The following TNRC6B variants were observed in gnomAD, a reference collection of about 807,000 sequenced individuals.
The protein encoded by TNRC6B is trinucleotide repeat-containing gene 6B protein.
TNRC6B carries 52 observed loss-of-function variants against 203.6 expected under a neutral mutation model. The observed-to-expected ratio is 0.26, with a 90% CI of 0.20 to 0.32. The LOEUF (loss-of-function observed/expected upper bound fraction) is 0.32. TNRC6B is among the 10% of genes least tolerant of loss of function. The pLI, the probability that TNRC6B is intolerant of heterozygous loss-of-function variation, is 1.00. For missense variants in TNRC6B, 1,923 were observed against 2,286.2 expected (o/e 0.84, Z 3.24); for synonymous variants, 838 against 845.7 (o/e 0.99, Z 0.16).
chr22:40,075,397 T>A (rs73422364), intron 1 of TNRC6B, among the ~76,000 whole-genome samples: 1 of 151,660 alleles, frequency 6.6e-6, no homozygotes, highest in African/African-American at 2.4e-5. Flanking sequence ...TCCTTATCCC[T>A]GGTAATATTT....
chr22:40,226,427 A>T (rs1383145682), intron 1 of TNRC6B, among the ~76,000 whole-genome samples: 2 of 152,220 alleles, frequency 1.3e-5, no homozygotes, highest in Non-Finnish European at 2.9e-5. Flanking sequence ...GTAGTGCAGC[A>T]TAATCAGGAA....
intron 1 of TNRC6B, among the ~76,000 whole-genome samples, chr22:40,216,417 T>G (rs1314619907): frequency 6.6e-6 from 1 of 152,194 alleles, no homozygotes; most frequent in Non-Finnish European, 1.5e-5. Flanking sequence ...TTTTTTTTCT[T>G]GCTGCTGTGC....
rs542110655 is a variant in TNRC6B at position 40,310,822 on chromosome 22, A to G, written c.4264A>G (p.Ile1422Val). ...QEANMHKNGAIVAPGKTRGGS... is the reference protein window; with the variant it reads ...QEANMHKNGAVVAPGKTRGGS... Reference sequence around the variant, plus strand: ...AATTTCCTCTCTTTTCTCAGGCGCTATAGTGGCCCCTGGTAAAACCCGGGG... The same window carrying G: ...AATTTCCTCTCTTTTCTCAGGCGCTGTAGTGGCCCCTGGTAAAACCCGGGG... The change falls in exon 17 of 23, where the codon ATA (isoleucine) becomes GTA (valine). Residue 1422 changes from isoleucine (I) to valine (V), a missense_variant. This residue lies in a region of TNRC6B where 242 missense variants were observed against 399.5 expected (regional missense o/e 0.61). Coordinates refer to ENST00000454349, the MANE Select transcript of TNRC6B (RefSeq NM_001162501.2). The G allele has an allele frequency of 7.4e-6, 12 of 1,612,210 alleles. No homozygotes were observed. Among genetic ancestry groups the G allele is most frequent in the Middle Eastern group, 1.7e-4 (1 of 6,004 alleles).
chr22:40,159,534 G>T (rs1393231090), intron 4 of TNRC6B, among the ~76,000 whole-genome samples: 1 of 151,648 alleles, frequency 6.6e-6, no homozygotes, highest in African/African-American at 2.4e-5. Flanking sequence ...AGCAACTCGG[G>T]AGGCTGAGGC....
intron 1 of TNRC6B, among the ~76,000 whole-genome samples, chr22:40,058,541 A>G (rs1053172508): frequency 1.2e-4 from 18 of 152,296 alleles, no homozygotes; most frequent in Middle Eastern, 6.8e-3. Flanking sequence ...CAGTCTCTAG[A>G]CTGACTGACT....
chr22:40,262,462 C>T (rs762435310), intron 4 of TNRC6B, among the ~76,000 whole-genome samples: 3 of 152,066 alleles, frequency 2.0e-5, no homozygotes, highest in Non-Finnish European at 4.4e-5. Flanking sequence ...TTTGAGCCTC[C>T]ATAGTTCCAC....
chr22:40,315,579 A>G (rs2071246517), intron 20 of TNRC6B, 72 bp downstream of exon 20: 1 of 1,493,726 alleles, frequency 6.7e-7, no homozygotes, highest in South Asian at 1.2e-5. Context: ...GATGGTGAAG[A>G]CACAAAGAGG....
chr22:40,244,921 G>C (rs2070084784), intron 1 of TNRC6B, among the ~76,000 whole-genome samples: 2 of 152,084 alleles, frequency 1.3e-5, no homozygotes, highest in South Asian at 4.1e-4. Flanking sequence ...CTGTAAATTA[G>C]AGTCTCTTAA....
chr22:40,310,281 C>T (rs2071156835), intron 16 of TNRC6B, among the ~76,000 whole-genome samples: 3 of 152,118 alleles, frequency 2.0e-5, no homozygotes, highest in Admixed American at 2.0e-4. Flanking sequence ...CATCTCATTG[C>T]GTTGGAATTT....
At chr22:40,152,010 CAA>C (rs763082689) in intron 3 of TNRC6B, among the ~76,000 whole-genome samples, 5 of 152,142 alleles carry the variant, frequency 3.3e-5, no homozygotes, top group East Asian at 1.9e-4. Context: ...ACCTGAAAAA[CAA>C]GAGATTCTAG....
intron 2 of TNRC6B, 58 bp downstream of exon 2, chr22:40,246,160 AAGAAAC>A: frequency 1.5e-6 from 2 of 1,341,618 alleles, no homozygotes; most frequent in Non-Finnish European, 2.0e-6. Context: ...CATCCAGAAC[AAGAAAC>A]TGTCTTGGCT....
intron 1 of TNRC6B, among the ~76,000 whole-genome samples, chr22:40,052,968 G>C (rs971344359): frequency 6.6e-6 from 1 of 152,108 alleles, no homozygotes; most frequent in Non-Finnish European, 1.5e-5. Flanking sequence ...AGTCCTTTGA[G>C]TACAGAGATC....
upstream of TNRC6B, among the ~76,000 whole-genome samples, chr22:40,175,709 A>C (rs2069049803): frequency 6.6e-6 from 1 of 152,216 alleles, no homozygotes; most frequent in African/African-American, 2.4e-5. Context: ...CCATTCTAGT[A>C]GTTTCCTGCT....
At chr22:40,200,905 A>C (rs965432125) in intron 1 of TNRC6B, among the ~76,000 whole-genome samples, 1 of 152,106 alleles carries the variant, frequency 6.6e-6, no homozygotes, top group Non-Finnish European at 1.5e-5. Flanking sequence ...TGGGAGCTCA[A>C]GCTCTATATT....
chr22:40,191,018 G>A (rs2069263626), intron 1 of TNRC6B, among the ~76,000 whole-genome samples: 1 of 152,222 alleles, frequency 6.6e-6, no homozygotes, highest in African/African-American at 2.4e-5. Context: ...CACACAATGA[G>A]GCTGCCCATA....
chr22:40,156,069 A>C, intron 3 of TNRC6B: 1 of 1,539,464 alleles, frequency 6.5e-7, no homozygotes, highest in Non-Finnish European at 8.8e-7. Flanking sequence ...AGTGAGTCGC[A>C]TTGTAGTTAC....
At chr22:40,074,235 C>CAAAAA (rs944802253) in intron 1 of TNRC6B, among the ~76,000 whole-genome samples, 2 of 68,294 alleles carry the variant, frequency 2.9e-5, no homozygotes, top group East Asian at 1.0e-3. Flanking sequence ...CGCTCTGTCT[C>CAAAAA]AAAAAAAAAA....
At chr22:40,096,747 T>A (rs1228145670) in intron 1 of TNRC6B, among the ~76,000 whole-genome samples, 2 of 152,212 alleles carry the variant, frequency 1.3e-5, no homozygotes, top group South Asian at 4.1e-4. Context: ...CCAGAAAGCA[T>A]AATGTTAGAT....
chr22:40,261,687 A>ATCTCGGTG, intron 3 of TNRC6B, 145 bp from the exon 4 acceptor site: 2 of 589,506 alleles, frequency 3.4e-6, no homozygotes, highest in Admixed American at 3.9e-5. Context: ...AAGGTGGGAG[A>ATCTCGGTG]GTCCCTTGAG....
Sources: gnomAD v4.1 joint callset for allele counts (sites outside exome capture counted in the v4.1 genomes callset) on GRCh38, gnomAD v4.1.1 for gene constraint, gnomAD v4.1.1 regional missense constraint, MANE v1.5 for transcripts, NCBI Gene and HGNC (gene_info 2026-07-23, HGNC 2026-07-21) for gene names.